Variants in KCNJ9 observed in about 807,000 individuals in gnomAD.
KCNJ9 encodes potassium inwardly rectifying channel subfamily J member 9, also known as G protein-activated inward rectifier potassium channel 3.
In KCNJ9, 18 loss-of-function variants were observed where a neutral mutation model predicts 27.9. The observed-to-expected ratio is 0.65, with a 90% CI of 0.45 to 0.96. KCNJ9 has a LOEUF of 0.96. Ranked by LOEUF, KCNJ9 falls within the 40% of genes least tolerant of loss-of-function variation. The pLI is 0.00. For synonymous variants in KCNJ9, 229 were observed against 248.2 expected (o/e 0.92, Z 0.73); for missense variants, 324 against 557.5 (o/e 0.58, Z 4.22).
chr1:160,084,770 T>G lies in KCNJ9; in HGVS notation c.740T>G (p.Ile247Ser). Residue 247 changes from isoleucine to serine, a missense_variant, in exon 2 of 3, where the codon ATC (isoleucine) becomes AGC (serine). Physicochemically the swap from Ile to Ser is moderately radical, Grantham distance 142 (BLOSUM62 -2). Transcript: ENST00000368088. ...DRLFLVSPLV[I>S]SHEIDAASPF... is the part of the protein sequence containing the mutation. ...CTCTTCCTCGTCTCGCCGCTGGTTATCAGCCACGAGATCGACGCCGCCAGC... is the reference window on the plus strand; with the variant it reads ...CTCTTCCTCGTCTCGCCGCTGGTTAGCAGCCACGAGATCGACGCCGCCAGC... 6.4e-7 allele frequency: 1 copy of G among 1,562,770 alleles called. No homozygotes were observed. Among genetic ancestry groups the G allele is most frequent in the Non-Finnish European group, 8.7e-7 (1 of 1,154,230 alleles).
Position 160,087,756 on chromosome 1 carries a change from C to T in KCNJ9, c.1121C>T (p.Ala374Val). Residue 374 changes from alanine (A) to valine (V), a missense_variant, in exon 3 of 3, where the codon GCT (alanine) becomes GTT (valine). By Grantham distance (64) the Ala-to-Val change is moderately conservative. This residue lies in a region of KCNJ9 where 51 missense variants were observed against 44.1 expected (regional missense o/e 1.16). Coordinates refer to ENST00000368088, the MANE Select transcript of KCNJ9 (RefSeq NM_004983.3). ...EGAGEGAGGEAGADKEQNGCL... is the reference protein window; with the variant it reads ...EGAGEGAGGEVGADKEQNGCL... Reference sequence around the variant, plus strand: ...GCGGGGGAGGGGGCGGGTGGGGAAGCTGGGGCTGACAAGGAGCAGAATGGC... The same window carrying T: ...GCGGGGGAGGGGGCGGGTGGGGAAGTTGGGGCTGACAAGGAGCAGAATGGC... 6.9e-7 allele frequency: 1 copy of T among 1,456,824 alleles called. No homozygotes were observed. The highest frequency in any genetic ancestry group is 1.4e-5 in the African/African-American group (1 of 70,886). The allele number at this position is 1,456,824 out of a possible 1,614,324, so 90.2% of individuals were successfully genotyped here. A position where few individuals can be genotyped will look rare whatever the true frequency, so the allele number is the denominator to read the frequency against.
At position 160,087,833 on chromosome 1, in the gene KCNJ9, C is replaced by T. The variant is rs773593958; in HGVS notation, c.*16C>T. ...CAAGGTGTGACCAGCTTCCTCCAGA[C>T]CCCTGTGGCAGACCGGGGGCCAGAC... On this transcript the variant is annotated 3_prime_UTR_variant, in exon 3 of 3. Coordinates refer to ENST00000368088, the MANE Select transcript of KCNJ9 (RefSeq NM_004983.3). 38 of 1,440,726 alleles carry T rather than the reference C, an allele frequency of 2.6e-5. No individual in the cohort carries two copies. Among genetic ancestry groups the T allele is most frequent in the Non-Finnish European group, 3.2e-5 (35 of 1,097,512 alleles). The allele number at this position is 1,440,726 out of a possible 1,614,324, so 89.2% of individuals were successfully genotyped here. A position where few individuals can be genotyped will look rare whatever the true frequency, so the allele number is the denominator to read the frequency against.
chr1:160,081,902 A>C (rs1277302330), intron 1 of KCNJ9, among the ~76,000 whole-genome samples: 1 of 152,240 alleles, frequency 6.6e-6, no homozygotes, highest in East Asian at 1.9e-4. Context: ...CATAGCATGC[A>C]CAAGAAATGA....
intron 2 of KCNJ9, among the ~76,000 whole-genome samples, chr1:160,086,228 C>T (rs1475008726): frequency 1.3e-5 from 2 of 152,180 alleles, no homozygotes; most frequent in African/African-American, 2.4e-5. Flanking sequence ...CCAGGCTTTC[C>T]GAGTTGACAG....
chr1:160,087,737 GA>G lies in KCNJ9; in HGVS notation c.1103del (p.Glu368GlyfsTer80). 1.4e-6 allele frequency: 1 copy of G among 707,140 alleles called. No individual in the cohort carries two copies. The highest frequency in any genetic ancestry group is 2.1e-5 in the South Asian group (1 of 46,878). The allele number at this position is 707,140 out of a possible 1,614,324, so 43.8% of individuals were successfully genotyped here. A position where few individuals can be genotyped will look rare whatever the true frequency, so the allele number is the denominator to read the frequency against. On this transcript the variant is annotated frameshift_variant, in exon 3 of 3. Coordinates refer to ENST00000368088, the MANE Select transcript of KCNJ9 (RefSeq NM_004983.3). LOFTEE classifies it high-confidence loss of function. ...GAAGGTGGAGGAGGAGGGGGCGGGG[GA>G]GGGGGCGGGTGGGGAAGCTGGGGCT... ...DEKVEEEGAG[E>X]GAGGEAGADK...
intron 1 of KCNJ9, among the ~76,000 whole-genome samples, chr1:160,083,450 G>C (rs893881332): frequency 6.6e-6 from 1 of 152,178 alleles, no homozygotes; most frequent in Non-Finnish European, 1.5e-5. Context: ...CCTGCGAGGA[G>C]AGCCATTGGT....
At chr1:160,086,439 A>G (rs1168145712) in intron 2 of KCNJ9, among the ~76,000 whole-genome samples, 1 of 152,206 alleles carries the variant, frequency 6.6e-6, no homozygotes, top group African/African-American at 2.4e-5. Context: ...CTGTTTTTCT[A>G]GAGAGATAAA....
intron 2 of KCNJ9, 88 bp from the exon 3 acceptor site, chr1:160,087,398 G>T: frequency 6.8e-7 from 1 of 1,463,288 alleles, no homozygotes; most frequent in Non-Finnish European, 9.1e-7. Flanking sequence ...GAATAGAAGG[G>T]AGGGTGCTGG....
intron 1 of KCNJ9, among the ~76,000 whole-genome samples, chr1:160,083,208 G>T (rs560969614): frequency 6.6e-6 from 1 of 152,200 alleles, no homozygotes; most frequent in African/African-American, 2.4e-5. Context: ...GGGAAATGAG[G>T]CTGGCCCAAG....
chr1:160,083,522 T>C (rs1430171277), intron 1 of KCNJ9, among the ~76,000 whole-genome samples: 4 of 152,010 alleles, frequency 2.6e-5, no homozygotes, highest in Non-Finnish European at 5.9e-5. Flanking sequence ...GAGGGCTCCA[T>C]TACCCGCCTG....
chr1:160,084,929 G>T, intron 2 of KCNJ9, 49 bp downstream of exon 2: 7 of 1,402,056 alleles, frequency 5.0e-6, no homozygotes, highest in South Asian at 1.3e-5. Flanking sequence ...GGGTGGGCGG[G>T]ACCGAGGAAG....
intron 2 of KCNJ9, 139 bp from the exon 3 acceptor site, chr1:160,087,347 G>A (rs1332734342): frequency 6.2e-6 from 8 of 1,295,314 alleles, no homozygotes; most frequent in South Asian, 4.2e-5. Context: ...GGGAGGGGGG[G>A]AAATGGACTG....
intron 2 of KCNJ9, among the ~76,000 whole-genome samples, chr1:160,085,865 TGCCTTCAGATCCTTTCCC>T (rs1557981015): frequency 6.6e-6 from 1 of 152,232 alleles, no homozygotes; most frequent in Non-Finnish European, 1.5e-5. Flanking sequence ...GACAAGCTGG[TGCCTTCAGATCCTTTCCC>T]TGGCCCCTTT....
chr1:160,084,458 C>A lies in KCNJ9; in HGVS notation c.428C>A (p.Ala143Asp). 6.2e-7 allele frequency: 1 copy of A among 1,613,718 alleles called. No homozygotes were observed. Among genetic ancestry groups the A allele is most frequent in the Non-Finnish European group, 8.5e-7 (1 of 1,179,922 alleles). ...PEGIVLLLLQ[A>D]ILGSMVNAFM... ...GGCATCGTGCTGCTGCTGCTGCAGG[C>A]CATCCTGGGCTCCATGGTGAACGCC... The change falls in exon 2 of 3, where the codon GCC becomes GAC. Residue 143 changes from alanine to aspartate, a missense_variant. Ala to Asp is a moderately radical substitution (Grantham distance 126). Transcript: ENST00000368088.
rs749199890 is a variant in KCNJ9, at chr1:160,087,750, G to T, written c.1115G>T (p.Gly372Val). ...GAGGGGGCGGGGGAGGGGGCGGGTG[G>T]GGAAGCTGGGGCTGACAAGGAGCAG... Reference protein sequence around the residue: ...EEEGAGEGAGGEAGADKEQNG... With the variant: ...EEEGAGEGAGVEAGADKEQNG... Residue 372 changes from glycine (G) to valine (V), a missense_variant, in exon 3 of 3, where the codon GGG becomes GTG. Gly to Val is a moderately radical substitution (Grantham distance 109). Transcript: ENST00000368088. 7.0e-7 allele frequency: 1 copy of T among 1,431,136 alleles called. No homozygotes were observed. Among genetic ancestry groups the T allele is most frequent in the African/African-American group, 1.4e-5 (1 of 69,682 alleles). The allele number at this position is 1,431,136 out of a possible 1,614,324, so 88.7% of individuals were successfully genotyped here.
rs1403154373 is a variant in KCNJ9 at position 160,088,059 on chromosome 1, T to G, written c.*242T>G. ...TGAAAATGCCAGTCTGTGTTTGACC[T>G]TCACATTTGTTCATGAGTGGATGGA... On this transcript the variant is annotated 3_prime_UTR_variant, in exon 3 of 3. Transcript: ENST00000368088. 1 of 412,722 alleles carries G rather than the reference T, an allele frequency of 2.4e-6. No individual in the cohort carries two copies. The highest frequency in any genetic ancestry group is 4.3e-6 in the Non-Finnish European group (1 of 234,716). The allele number at this position is 412,722 out of a possible 1,614,324, so 25.6% of individuals were successfully genotyped here. A position where few individuals can be genotyped will look rare whatever the true frequency, so the allele number is the denominator to read the frequency against.
rs771641487 is a variant in KCNJ9, at chr1:160,087,727, G to A, written c.1092G>A (p.Glu364=). ...PSRLDEKVEE[E]GAGEGAGGEA... is the part of the protein sequence containing the mutation. ...GGCTGGATGAGAAGGTGGAGGAGGA[G>A]GGGGCGGGGGAGGGGGCGGGTGGGG... The change falls in exon 3 of 3, where the codon GAG becomes GAA. Residue 364 remains glutamate, a synonymous_variant. Coordinates refer to ENST00000368088, the MANE Select transcript of KCNJ9 (RefSeq NM_004983.3). 499 of 1,115,204 alleles carry A rather than the reference G, an allele frequency of 4.5e-4. No individual in the cohort carries two copies. The highest frequency in any genetic ancestry group is 5.8e-4 in the Non-Finnish European group (484 of 836,416). 69.1% of individuals were successfully genotyped at this position (1,115,204 alleles called of 1,614,324 possible).
chr1:160,083,855 C>A, intron 1 of KCNJ9, 62 bp from the exon 2 acceptor site: 1 of 429,070 alleles, frequency 2.3e-6, no homozygotes, highest in Non-Finnish European at 3.6e-6. Flanking sequence ...TCGGTGCTGG[C>A]CCTGATGCCC....
In KCNJ9 at chr1:160,088,088, A is replaced by G; in HGVS notation, c.*271A>G. ...CATTTGTTCATGAGTGGATGGATGG[A>G]CAGAATGATGGACTTTTGGGGGTTG... On this transcript the variant is annotated 3_prime_UTR_variant, in exon 3 of 3. Coordinates refer to ENST00000368088, the MANE Select transcript of KCNJ9 (RefSeq NM_004983.3). 1 of 379,892 alleles carries G rather than the reference A, an allele frequency of 2.6e-6. No homozygotes were observed. The highest frequency in any genetic ancestry group is 4.7e-6 in the Non-Finnish European group (1 of 214,170). The allele number at this position is 379,892 out of a possible 1,614,324, so 23.5% of individuals were successfully genotyped here.
Sources: allele counts gnomAD v4.1 joint callset (sites outside exome capture counted in the v4.1 genomes callset), GRCh38; gene constraint gnomAD v4.1.1; regional missense constraint gnomAD v4.1.1; transcripts MANE v1.5; gene names NCBI Gene and HGNC (gene_info 2026-07-23, HGNC 2026-07-21).